Variants in CELF2 observed in about 807,000 individuals in gnomAD.
CELF2 encodes the protein CUGBP Elav-like family member 2.
In CELF2, 8 loss-of-function variants were observed where a neutral mutation model predicts 62.6. The ratio of observed to expected loss-of-function variants is 0.13; its 90% CI spans 0.07 to 0.23. The LOEUF is 0.23. Ranked by LOEUF, CELF2 falls within the 10% of genes least tolerant of loss-of-function variation. The probability of loss-of-function intolerance (pLI) is 1.00; values close to 1 mark genes in which losing one functional copy is unlikely to be tolerated. For synonymous variants in CELF2, 258 were observed against 250.0 expected, an observed-to-expected ratio of 1.03 and a Z score of -0.30; for missense variants, 333 against 671.0, an observed-to-expected ratio of 0.50 and a Z score of 5.56.
At chr10:10,495,570 G>A in the CELF2 span, among the ~76,000 whole-genome samples, 1 of 152,162 alleles carries the variant, frequency 6.6e-6, no homozygotes, top group South Asian at 2.1e-4. Context: ...AACAGCCACA[G>A]GGTCCGCAGA....
chr10:10,748,441 A>G, the CELF2 span, among the ~76,000 whole-genome samples: 1 of 152,170 alleles, frequency 6.6e-6, no homozygotes, highest in African/African-American at 2.4e-5. Context: ...CAGGATCCCA[A>G]GTATATATTC....
chr10:10,800,358 A>C (rs536383027), intron 1 of CELF2, among the ~76,000 whole-genome samples: 1 of 149,010 alleles, frequency 6.7e-6, no homozygotes, highest in Non-Finnish European at 1.5e-5. Flanking sequence ...ATTAATGTAC[A>C]TTTTTTTTTT....
upstream of CELF2, among the ~76,000 whole-genome samples, chr10:11,004,433 G>A (rs1942212374): frequency 6.6e-6 from 1 of 151,936 alleles, no homozygotes; most frequent in African/African-American, 2.4e-5. The surrounding 1 kb of genome is among the most constrained non-coding windows in gnomAD (Gnocchi z 5.0). Context: ...GTGTGTGTGT[G>A]TGTGTGTGTG....
the CELF2 span, among the ~76,000 whole-genome samples, chr10:10,572,664 G>C: frequency 3.3e-5 from 5 of 152,166 alleles, no homozygotes; most frequent in South Asian, 1.0e-3. Flanking sequence ...AGCTCCAACT[G>C]TGTCCCTGCA....
intron 1 of CELF2, among the ~76,000 whole-genome samples, chr10:10,823,584 A>AC (rs2057145726): frequency 4.6e-5 from 1 of 21,908 alleles, no homozygotes; most frequent in Non-Finnish European, 9.4e-5. Context: ...TCTTATGCAC[A>AC]AAAAAAAATA....
At chr10:11,114,401 CA>C (rs1428842038) in intron 1 of CELF2, among the ~76,000 whole-genome samples, 2 of 152,108 alleles carry the variant, frequency 1.3e-5, no homozygotes, top group African/African-American at 4.8e-5. Flanking sequence ...AAATACATAA[CA>C]TATCAAAGAA....
Position 11,295,703 on chromosome 10 carries a change from T to C in CELF2, c.976+7151T>C, listed in dbSNP as rs553839377. Among the ~76,000 whole-genome samples the C allele has an allele frequency of 4.5e-4, 69 of 152,132 alleles. 1 individual carries two copies. The highest frequency in any genetic ancestry group is 1.6e-3 in the African/African-American group (65 of 41,494). Reference sequence around the variant, plus strand: ...ACAGAAGCATGACACACAAACCAGGTGGTTTGAAAGTTCTTCGGCATGTAA... The same window carrying C: ...ACAGAAGCATGACACACAAACCAGGCGGTTTGAAAGTTCTTCGGCATGTAA... On this transcript the variant is annotated intron_variant, in intron 9 of 12. Transcript: ENST00000633077.
At chr10:10,981,098 T>A (rs1207344258) in intron 2 of CELF2, among the ~76,000 whole-genome samples, 2 of 152,196 alleles carry the variant, frequency 1.3e-5, no homozygotes, top group African/African-American at 4.8e-5. Flanking sequence ...CCCACTGAAG[T>A]CCCAGAGTCT....
At chr10:10,678,110 T>C in the CELF2 span, among the ~76,000 whole-genome samples, 1 of 152,238 alleles carries the variant, frequency 6.6e-6, no homozygotes, top group Admixed American at 6.5e-5. Flanking sequence ...CTCAGTTAGC[T>C]GTCTAGCCAT....
At chr10:10,979,871 C>T (rs933694323) in intron 2 of CELF2, among the ~76,000 whole-genome samples, 4 of 152,078 alleles carry the variant, frequency 2.6e-5, no homozygotes, top group Non-Finnish European at 5.9e-5. Context: ...TATGTAATTG[C>T]AAGGATTGTG....
intron 2 of CELF2, among the ~76,000 whole-genome samples, chr10:10,998,739 A>G: frequency 6.6e-6 from 1 of 152,146 alleles, no homozygotes; most frequent in East Asian, 1.9e-4. Flanking sequence ...AAAAAGTAGA[A>G]CTACTCCTAA....
At chr10:11,013,629 T>C (rs2056820646), upstream of CELF2, among the ~76,000 whole-genome samples, 3 of 152,174 alleles carry the variant, frequency 2.0e-5, no homozygotes, top group Admixed American at 2.0e-4. This position sits in a 1 kb window ranked among gnomAD's most constrained non-coding sequence, Gnocchi z 4.1. Flanking sequence ...CAAGCAATGG[T>C]GACTACTTAC....
At chr10:11,201,640 G>A (rs2059235741) in intron 2 of CELF2, among the ~76,000 whole-genome samples, 1 of 152,196 alleles carries the variant, frequency 6.6e-6, no homozygotes, top group Admixed American at 6.5e-5. Flanking sequence ...GGAGAGGATG[G>A]ACTTCAGCAG....
intron 2 of CELF2, among the ~76,000 whole-genome samples, chr10:11,197,025 A>AAAGAAAGAAGGAAGGAAGG (rs1554936315): frequency 3.8e-5 from 1 of 26,130 alleles, no homozygotes. Flanking sequence ...AGAAAGAAAG[A>AAAGAAAGAAGGAAGGAAGG]AAAGAAAGAA....
the CELF2 span, among the ~76,000 whole-genome samples, chr10:10,681,935 T>A: frequency 3.9e-4 from 59 of 152,290 alleles, no homozygotes; most frequent in Middle Eastern, 3.4e-3. Context: ...TCAGTAAACA[T>A]TTGACCCAAA....
chr10:11,138,477 C>A (rs965802397), intron 1 of CELF2, among the ~76,000 whole-genome samples: 1 of 152,146 alleles, frequency 6.6e-6, no homozygotes, highest in African/African-American at 2.4e-5. Context: ...GGGTCTCTTC[C>A]TTGACAGACT....
intron 2 of CELF2, among the ~76,000 whole-genome samples, chr10:11,205,958 C>A (rs573164227): frequency 3.3e-5 from 5 of 152,322 alleles, no homozygotes; most frequent in African/African-American, 1.2e-4. Context: ...GTTTGCCTCT[C>A]CATTTCACTT....
At chr10:10,700,254 G>C in the CELF2 span, among the ~76,000 whole-genome samples, 3,890 of 152,288 alleles carry the variant, frequency 0.026, 167 homozygotes, top group African/African-American at 0.089. Context: ...AGGAACATGA[G>C]CAGCCCCAGG....
rs753580367 is a variant in CELF2, at chr10:11,302,312, G to A, written c.977-11827G>A. 2.2e-4 allele frequency among the ~76,000 whole-genome samples: 34 copies of A among 152,176 alleles called. No homozygotes were observed. Among genetic ancestry groups the A allele is most frequent in the Non-Finnish European group, 3.8e-4 (26 of 68,044 alleles). ...CGCATCGGATAGTCCTGACACACGT[G>A]GTTCTCTAATGTTTGCATGCAAAAG... On this transcript the variant is annotated intron_variant, in intron 9 of 12. Transcript: ENST00000633077. The surrounding 1 kb of genome is among the most constrained non-coding windows in gnomAD (Gnocchi z 5.0).
Sources: gnomAD v4.1 joint callset for allele counts (sites outside exome capture counted in the v4.1 genomes callset) on GRCh38, gnomAD v4.1.1 for gene constraint, Gnocchi (gnomAD v3.1) non-coding constraint, MANE v1.5 for transcripts, NCBI Gene and HGNC (gene_info 2026-07-23, HGNC 2026-07-21) for gene names.